PMM1: variants seen among roughly 807,000 people sequenced by gnomAD.
PMM1 encodes the protein phosphomannomutase 1.
Under a neutral mutation model 34.0 loss-of-function variants are expected in PMM1, and 25 were observed. That is an observed-to-expected ratio of 0.73 (90% confidence interval 0.54 to 1.03). PMM1 has a LOEUF of 1.03. Among genes scored for constraint, PMM1 ranks in the 50% least tolerant of loss-of-function variants. PMM1 has a pLI of 0.00. For synonymous variants in PMM1, 134 were observed against 143.9 expected, an observed-to-expected ratio of 0.93 and a Z score of 0.49; for missense variants, 321 against 350.1, an observed-to-expected ratio of 0.92 and a Z score of 0.66.
intron 1 of PMM1, among the ~76,000 whole-genome samples, chr22:41,586,799 G>A (rs545105616): frequency 8.0e-5 from 12 of 149,090 alleles, no homozygotes; most frequent in East Asian, 6.3e-4. Flanking sequence ...GTGAGCCACC[G>A]TGCCTGGCCG....
intron 7 of PMM1, 80 bp downstream of exon 7, chr22:41,577,728 G>T: frequency 1.9e-6 from 2 of 1,080,772 alleles, no homozygotes; most frequent in Non-Finnish European, 1.4e-6. Flanking sequence ...GACCTCAGGT[G>T]ATTTGCATTG....
At chr22:41,585,975 C>T in intron 2 of PMM1, 101 bp downstream of exon 2, 2 of 853,040 alleles carry the variant, frequency 2.3e-6, no homozygotes, top group East Asian at 2.7e-5. Flanking sequence ...TGGCTGCTCT[C>T]TCTCTATTTC....
At chr22:41,589,071 C>A (rs1392669628) in intron 1 of PMM1, 1 of 1,303,088 alleles carries the variant, frequency 7.7e-7, no homozygotes, top group South Asian at 1.2e-5. Context: ...TCCTCAGTGT[C>A]CTCACAGCAA....
intron 4 of PMM1, 107 bp from the exon 5 acceptor site, chr22:41,584,165 A>G: frequency 2.3e-6 from 3 of 1,293,194 alleles, no homozygotes; most frequent in Non-Finnish European, 3.4e-6. Flanking sequence ...GGGGACAAGA[A>G]TCCACACTCC....
chr22:41,586,382 C>T (rs754899366), intron 1 of PMM1, 189 bp from the exon 2 acceptor site: 38 of 1,013,082 alleles, frequency 3.8e-5, no homozygotes, highest in Admixed American at 3.1e-4. Context: ...CAACACTTTG[C>T]GAGGCCAAGG....
chr22:41,589,769 G>A lies in PMM1; in HGVS notation c.37C>T (p.Arg13Cys). 2 of 1,610,716 alleles carry A rather than the reference G, an allele frequency of 1.2e-6. No homozygotes were observed. The highest frequency in any genetic ancestry group is 1.7e-6 in the Non-Finnish European group (2 of 1,179,186). The part of the protein sequence containing the change: ...VTAQAARRKE[R>C]VLCLFDVDGT... ...TCCACGTCAAACAGGCAGAGGACGC[G>A]CTCCTTCCTGCGGGCTGCCTGGGCG... is the stretch of plus-strand genomic sequence containing the variant. Residue 13 changes from arginine to cysteine, a missense_variant, in exon 1 of 8, where the codon CGC becomes TGC. Arg to Cys is a radical substitution (Grantham distance 180). Coordinates refer to ENST00000216259, the MANE Select transcript of PMM1 (RefSeq NM_002676.3).
chr22:41,577,591 GATGTAGAACAAGTGCCCA>G, intron 7 of PMM1, 151 bp from the exon 8 acceptor site: 2 of 962,818 alleles, frequency 2.1e-6, no homozygotes, highest in Non-Finnish European at 3.1e-6. Flanking sequence ...CTTGCTGTGT[GATGTAGAACAAGTGCCCA>G]GCCTCTTGGG....
chr22:41,582,157 A>C (rs1346846461), intron 5 of PMM1, among the ~76,000 whole-genome samples: 2 of 151,700 alleles, frequency 1.3e-5, no homozygotes, highest in Admixed American at 6.6e-5. Flanking sequence ...AAAAAAAAAA[A>C]CAAAAAAGGG....
intron 5 of PMM1, among the ~76,000 whole-genome samples, chr22:41,583,617 G>A (rs1317094175): frequency 6.6e-6 from 1 of 152,132 alleles, no homozygotes; most frequent in Non-Finnish European, 1.5e-5. Context: ...AATCTAGAAA[G>A]TGGGGTCTCA....
chr22:41,587,441 CAAAAAAAAAA>C (rs56954860), intron 1 of PMM1, among the ~76,000 whole-genome samples: 1 of 76,784 alleles, frequency 1.3e-5, no homozygotes, highest in Non-Finnish European at 2.9e-5. Flanking sequence ...ATTTCATCTC[CAAAAAAAAAA>C]AAAAAAAAAG....
In PMM1 at chr22:41,584,315, T is replaced by C; in HGVS notation, c.340A>G (p.Ser114Gly). ...GGCAGCCTGAGCAGGGCCATGTAGCTGAGGCAGAAGTTGATCAAGTCCTGC... is the reference window on the plus strand; with the variant it reads ...GGCAGCCTGAGCAGGGCCATGTAGCCGAGGCAGAAGTTGATCAAGTCCTGC... ...LLQDLINFCL[S>G]YMALLRLPKK... The change falls in exon 4 of 8, where the codon AGC (serine) becomes GGC (glycine). Residue 114 changes from serine to glycine, a missense_variant. Transcript: ENST00000216259. 6.2e-7 allele frequency: 1 copy of C among 1,614,148 alleles called. No homozygotes were observed. Among genetic ancestry groups the C allele is most frequent in the Non-Finnish European group, 8.5e-7 (1 of 1,180,014 alleles).
intron 6 of PMM1, 53 bp downstream of exon 6, chr22:41,578,753 T>C (rs2067206256): frequency 6.7e-7 from 1 of 1,489,728 alleles, no homozygotes; most frequent in Non-Finnish European, 9.4e-7. Flanking sequence ...GGCAGATGGT[T>C]TGAGGAGGGG....
intron 2 of PMM1, 132 bp downstream of exon 2, chr22:41,585,944 C>T: frequency 2.7e-6 from 2 of 729,440 alleles, no homozygotes; most frequent in Non-Finnish European, 4.5e-6. Context: ...AAGTGTTTGT[C>T]AAATCAGTAA....
intron 4 of PMM1, 59 bp from the exon 5 acceptor site, chr22:41,584,117 T>C: frequency 7.1e-7 from 1 of 1,416,302 alleles, no homozygotes; most frequent in South Asian, 1.1e-5. Context: ...AATTCAAATC[T>C]AGCCCCACCT....
intron 2 of PMM1, 38 bp from the exon 3 acceptor site, chr22:41,584,641 G>A (rs1357792844): frequency 1.3e-6 from 2 of 1,502,576 alleles, no homozygotes; most frequent in Non-Finnish European, 1.8e-6. Context: ...AAGAAAGAGT[G>A]TGAGACCACG....
At chr22:41,589,686 C>G (rs542045199) in intron 1 of PMM1, 33 bp downstream of exon 1, 1 of 1,576,756 alleles carries the variant, frequency 6.3e-7, no homozygotes, top group African/African-American at 1.3e-5. Context: ...GCGTGACACT[C>G]CCGGTGGGAG....
rs2067302529 is a variant in PMM1 at position 41,585,976 on chromosome 22, T to C, written c.205+100A>G. 3.5e-6 allele frequency: 3 copies of C among 858,582 alleles called. No homozygotes were observed. The Admixed American group carries it at 7.5e-5, about 22-fold the overall frequency. 53.2% of individuals were successfully genotyped at this position (858,582 alleles called of 1,614,324 possible). Reference sequence around the variant, plus strand: ...GTAAGGGAACTATCTGGCTGCTCTCTCTCTATTTCTTCTGCCCCACAGAAG... The same window carrying C: ...GTAAGGGAACTATCTGGCTGCTCTCCCTCTATTTCTTCTGCCCCACAGAAG... On this transcript the variant is annotated intron_variant, in intron 2 of 7. Transcript: ENST00000216259.
intron 5 of PMM1, among the ~76,000 whole-genome samples, chr22:41,582,367 G>A (rs1381399099): frequency 6.6e-6 from 1 of 152,114 alleles, no homozygotes; most frequent in African/African-American, 2.4e-5. Flanking sequence ...GCTGAGGTGT[G>A]AGGATCGCTT....
Position 41,589,771 on chromosome 22 carries a change from T to A in PMM1, c.35A>T (p.Glu12Val). The A allele has an allele frequency of 6.2e-7, 1 of 1,610,914 alleles. No individual in the cohort carries two copies. The highest frequency in any genetic ancestry group is 8.5e-7 in the Non-Finnish European group (1 of 1,179,278). ...CACGTCAAACAGGCAGAGGACGCGC[T>A]CCTTCCTGCGGGCTGCCTGGGCGGT... is the stretch of plus-strand genomic sequence containing the variant. ...AVTAQAARRK[E>V]RVLCLFDVDG... The change falls in exon 1 of 8, where the codon GAG (glutamate) becomes GTG (valine). Residue 12 changes from glutamate (E) to valine (V), a missense_variant. Coordinates refer to ENST00000216259, the MANE Select transcript of PMM1 (RefSeq NM_002676.3).
Sources: allele counts gnomAD v4.1 joint callset (sites outside exome capture counted in the v4.1 genomes callset), GRCh38; gene constraint gnomAD v4.1.1; transcripts MANE v1.5; gene names NCBI Gene and HGNC (gene_info 2026-07-23, HGNC 2026-07-21).